PRKG1: variants seen among roughly 807,000 people sequenced by gnomAD.
PRKG1 encodes protein kinase cGMP-dependent 1, also known as cGMP-dependent protein kinase 1.
A neutral mutation model predicts 88.1 loss-of-function variants in PRKG1; 35 were observed. The observed-to-expected ratio is 0.40, with a 90% CI of 0.30 to 0.53. The LOEUF (loss-of-function observed/expected upper bound fraction) is 0.53. PRKG1 is among the 20% of genes least tolerant of loss of function. The pLI is 0.59. For missense variants in PRKG1, 540 were observed against 839.8 expected (o/e 0.64, Z 4.41); for synonymous variants, 303 against 292.5 (o/e 1.04, Z -0.37).
chr10:51,664,680 C>A (rs918338665), intron 3 of PRKG1, among the ~76,000 whole-genome samples: 2 of 152,094 alleles, frequency 1.3e-5, no homozygotes, highest in Admixed American at 1.3e-4. Context: ...ACAGAAAGAT[C>A]TCAAAACTCC....
intron 8 of PRKG1, among the ~76,000 whole-genome samples, chr10:52,134,645 A>G (rs1364180619): frequency 6.6e-6 from 1 of 152,188 alleles, no homozygotes; most frequent in Non-Finnish European, 1.5e-5. Flanking sequence ...AGCCAAGTAC[A>G]TGACCCAAGA....
rs553299714 is a variant in PRKG1, at chr10:52,294,654, A to G, written c.*754A>G. 70 of 152,626 alleles carry G rather than the reference A, an allele frequency of 4.6e-4. No individual in the cohort carries two copies. Among genetic ancestry groups the G allele is most frequent in the African/African-American group, 1.5e-3 (62 of 41,548 alleles). 9.5% of individuals were successfully genotyped at this position (152,626 alleles called of 1,614,324 possible). On this transcript the variant is annotated 3_prime_UTR_variant, in exon 18 of 18. Coordinates refer to ENST00000373980, the MANE Select transcript of PRKG1 (RefSeq NM_006258.4). ...GATAAATTGGCATGACAGAGTGGGG[A>G]AAAAAAGCAATTCACAAAACCATTT...
intron 3 of PRKG1, chr10:51,699,329 A>G: frequency 1.2e-6 from 2 of 1,614,126 alleles, no homozygotes; most frequent in Non-Finnish European, 1.7e-6. Flanking sequence ...GAGGTTCCGC[A>G]TGGCACTAAG....
intron 3 of PRKG1, chr10:51,697,574 G>T: frequency 1.1e-6 from 1 of 918,980 alleles, no homozygotes. Context: ...CAAAAAATAA[G>T]ATTAGGTTCT....
chr10:51,863,844 C>G (rs1840948362), intron 4 of PRKG1, among the ~76,000 whole-genome samples: 1 of 152,168 alleles, frequency 6.6e-6, no homozygotes, highest in Non-Finnish European at 1.5e-5. Context: ...ATATTTCTTT[C>G]ATGTTTAGCT....
At chr10:51,860,705 T>C (rs1840852154) in intron 4 of PRKG1, among the ~76,000 whole-genome samples, 1 of 152,156 alleles carries the variant, frequency 6.6e-6, no homozygotes, top group Non-Finnish European at 1.5e-5. Context: ...TGTGGATGTT[T>C]TTAAAAAAAT....
chr10:51,182,281 C>CT (rs1238311222), intron 2 of PRKG1, among the ~76,000 whole-genome samples: 3 of 152,162 alleles, frequency 2.0e-5, no homozygotes, highest in African/African-American at 7.2e-5. Context: ...AGCCAGAGTT[C>CT]TTTTTTGAAA....
At chr10:51,485,529 A>G (rs1282850753) in intron 3 of PRKG1, among the ~76,000 whole-genome samples, 1 of 152,196 alleles carries the variant, frequency 6.6e-6, no homozygotes, top group Non-Finnish European at 1.5e-5. Flanking sequence ...AGAAAGTGAT[A>G]TTATGAAGAA....
chr10:51,269,063 A>G (rs1839910248), intron 2 of PRKG1, among the ~76,000 whole-genome samples: 1 of 152,212 alleles, frequency 6.6e-6, no homozygotes, highest in South Asian at 2.1e-4. Context: ...GGCAAAGGGC[A>G]TGAATGAACA....
At chr10:51,974,120 G>C (rs888762854) in intron 5 of PRKG1, among the ~76,000 whole-genome samples, 1 of 151,930 alleles carries the variant, frequency 6.6e-6, no homozygotes, top group Admixed American at 6.6e-5. Context: ...TTTACTATCT[G>C]GTCATTTATG....
intron 9 of PRKG1, among the ~76,000 whole-genome samples, chr10:52,215,548 C>T (rs569569465): frequency 1.4e-4 from 21 of 152,242 alleles, no homozygotes; most frequent in African/African-American, 5.1e-4. Context: ...TTCAATATCA[C>T]CTCAATATTT....
At chr10:51,161,385 A>T (rs1846357658) in intron 2 of PRKG1, among the ~76,000 whole-genome samples, 2 of 152,172 alleles carry the variant, frequency 1.3e-5, no homozygotes, top group South Asian at 4.1e-4. Context: ...TGTTCTTAAT[A>T]CTCATCTGGT....
intron 5 of PRKG1, among the ~76,000 whole-genome samples, chr10:51,932,323 G>A (rs1333599452): frequency 6.6e-6 from 1 of 151,772 alleles, no homozygotes; most frequent in Non-Finnish European, 1.5e-5. Context: ...TTGAGAAACG[G>A]TTCAGTATTG....
At chr10:51,826,673 A>G (rs1011357265) in intron 4 of PRKG1, among the ~76,000 whole-genome samples, 4 of 152,170 alleles carry the variant, frequency 2.6e-5, no homozygotes, top group Non-Finnish European at 5.9e-5. Context: ...GTCTGGGGAA[A>G]GGGTTTCTTT....
At chr10:51,799,001 T>C (rs1369201484) in intron 3 of PRKG1, among the ~76,000 whole-genome samples, 1 of 152,088 alleles carries the variant, frequency 6.6e-6, no homozygotes, top group African/African-American at 2.4e-5. Flanking sequence ...AGATCCTTAA[T>C]ATCTTTCAAA....
intron 1 of PRKG1, among the ~76,000 whole-genome samples, chr10:51,017,683 C>T (rs1438071717): frequency 6.6e-6 from 1 of 152,112 alleles, no homozygotes; most frequent in Admixed American, 6.5e-5. Context: ...CTGTGATCTC[C>T]TACAATCTTT....
In PRKG1 at chr10:52,267,229, C is replaced by G. The variant is rs144317311; in HGVS notation, c.1174-4121C>G. ...TCTTAGGCTCAACAAATACAAATTGCTATAACTGACTCAGAGTTTACTTTA... is the reference window on the plus strand; with the variant it reads ...TCTTAGGCTCAACAAATACAAATTGGTATAACTGACTCAGAGTTTACTTTA... On this transcript the variant is annotated intron_variant, in intron 10 of 17. Coordinates refer to ENST00000373980, the MANE Select transcript of PRKG1 (RefSeq NM_006258.4). 9.4e-5 allele frequency among the ~76,000 whole-genome samples: 14 copies of G among 149,070 alleles called. No homozygotes were observed. In the East Asian group the frequency reaches 2.6e-3, roughly 28 times the overall value.
chr10:51,804,719 G>A, intron 4 of PRKG1, 29 bp downstream of exon 4: 1 of 1,452,142 alleles, frequency 6.9e-7, no homozygotes. Context: ...TCTTGTGAGA[G>A]TGTTTACTTT....
At chr10:51,983,101 C>T (rs954217445) in intron 5 of PRKG1, among the ~76,000 whole-genome samples, 1 of 151,986 alleles carries the variant, frequency 6.6e-6, no homozygotes, top group Non-Finnish European at 1.5e-5. Flanking sequence ...GGGGGTTGGT[C>T]GGCTGTTCTC....
Sources: gnomAD v4.1 joint callset for allele counts (sites outside exome capture counted in the v4.1 genomes callset) on GRCh38, gnomAD v4.1.1 for gene constraint, MANE v1.5 for transcripts, NCBI Gene and HGNC (gene_info 2026-07-23, HGNC 2026-07-21) for gene names.